The following ALCAM variants were observed in gnomAD, a reference collection of about 807,000 sequenced individuals.
ALCAM encodes the protein activated leukocyte cell adhesion molecule, also known as CD166 antigen.
ALCAM carries 30 observed loss-of-function variants against 70.9 expected under a neutral mutation model. The observed-to-expected ratio is 0.42, with a 90% confidence interval of 0.32 to 0.57. The LOEUF is 0.57. ALCAM is among the 20% of genes least tolerant of loss of function. The pLI is 0.11. For missense variants in ALCAM, 591 were observed against 695.1 expected, an observed-to-expected ratio of 0.85 and a Z score of 1.68; for synonymous variants, 249 against 242.5, an observed-to-expected ratio of 1.03 and a Z score of -0.25.
intron 1 of ALCAM, among the ~76,000 whole-genome samples, chr3:105,418,254 G>T (rs113840900): frequency 2.4e-4 from 36 of 151,834 alleles, no homozygotes; most frequent in African/African-American, 8.4e-4. Flanking sequence ...TAACTCTTTT[G>T]GTTTTAGGAA....
chr3:105,451,884 G>C (rs1169603387), intron 1 of ALCAM, among the ~76,000 whole-genome samples: 2 of 152,008 alleles, frequency 1.3e-5, no homozygotes, highest in Non-Finnish European at 2.9e-5. Flanking sequence ...CCTTCCCCAA[G>C]TCCCAAATTC....
At chr3:105,373,235 G>C (rs912193767) in intron 1 of ALCAM, among the ~76,000 whole-genome samples, 1 of 152,104 alleles carries the variant, frequency 6.6e-6, no homozygotes, top group Non-Finnish European at 1.5e-5. Context: ...TGGGGTTACA[G>C]TAAACAGTGA....
intron 1 of ALCAM, among the ~76,000 whole-genome samples, chr3:105,404,787 G>A (rs1559779940): frequency 1.3e-5 from 2 of 152,034 alleles, no homozygotes; most frequent in South Asian, 2.1e-4. Flanking sequence ...CTTAAAAGAT[G>A]CAGAATGACA....
intron 1 of ALCAM, among the ~76,000 whole-genome samples, chr3:105,491,382 C>G (rs903103686): frequency 5.9e-5 from 9 of 152,202 alleles, no homozygotes; most frequent in African/African-American, 2.2e-4. Flanking sequence ...ACATTTGGCT[C>G]TTCATTACTT....
chr3:105,564,999 C>T (rs530677431), intron 14 of ALCAM, among the ~76,000 whole-genome samples: 23 of 152,168 alleles, frequency 1.5e-4, no homozygotes, highest in African/African-American at 5.3e-4. Context: ...CACTGCACTC[C>T]AGCCCGGGCA....
chr3:105,554,854 T>G (rs1002438808), intron 14 of ALCAM, among the ~76,000 whole-genome samples: 2 of 151,992 alleles, frequency 1.3e-5, no homozygotes, highest in Non-Finnish European at 2.9e-5. Context: ...GTATTTTCAT[T>G]TTATTATGAC....
intron 1 of ALCAM, among the ~76,000 whole-genome samples, chr3:105,476,820 T>C (rs937262890): frequency 6.6e-6 from 1 of 152,096 alleles, no homozygotes; most frequent in African/African-American, 2.4e-5. Context: ...AATGTTGATA[T>C]GGTTTGGCTG....
chr3:105,407,479 A>T (rs1391762282), intron 1 of ALCAM, among the ~76,000 whole-genome samples: 2 of 152,192 alleles, frequency 1.3e-5, no homozygotes, highest in Admixed American at 6.5e-5. Flanking sequence ...TCACATGATC[A>T]TCTCAATAGA....
intron 1 of ALCAM, among the ~76,000 whole-genome samples, chr3:105,383,014 C>T (rs1264886002): frequency 1.3e-5 from 2 of 151,768 alleles, no homozygotes; most frequent in African/African-American, 4.8e-5. Context: ...TCTAAATGTG[C>T]CATGCCCTTC....
At chr3:105,422,909 A>ATT (rs1412363034) in intron 1 of ALCAM, among the ~76,000 whole-genome samples, 1 of 151,516 alleles carries the variant, frequency 6.6e-6, no homozygotes, top group African/African-American at 2.4e-5. Flanking sequence ...GATTACACTC[A>ATT]TAACTATCAG....
intron 1 of ALCAM, among the ~76,000 whole-genome samples, chr3:105,485,401 G>A (rs978310110): frequency 2.6e-5 from 4 of 151,142 alleles, no homozygotes; most frequent in East Asian, 1.9e-4. Flanking sequence ...GTGTGTGCGC[G>A]CACATCCACA....
At chr3:105,541,486 A>T (rs1000227438) in intron 7 of ALCAM, 147 bp from the exon 8 acceptor site, 2 of 777,676 alleles carry the variant, frequency 2.6e-6, no homozygotes, top group African/African-American at 3.6e-5. Flanking sequence ...AGATATTGGT[A>T]ACACAAACTG....
At chr3:105,457,163 T>C (rs1162179872) in intron 1 of ALCAM, among the ~76,000 whole-genome samples, 1 of 152,226 alleles carries the variant, frequency 6.6e-6, no homozygotes, top group East Asian at 1.9e-4. Context: ...AAAAGATTTT[T>C]TTCTGTGTCA....
At chr3:105,390,053 G>A (rs1935774393) in intron 1 of ALCAM, among the ~76,000 whole-genome samples, 1 of 151,864 alleles carries the variant, frequency 6.6e-6, no homozygotes, top group Non-Finnish European at 1.5e-5. Flanking sequence ...TCATACCTGT[G>A]CATGTATCTT....
Position 105,367,335 on chromosome 3 carries a change from A to C in ALCAM, c.-74A>C. ...CGTCGGGACCCGCCAGCGCGCGGGC[A>C]CCGCGGGGCCCGGGACGACGCCCCC... On this transcript the variant is annotated 5_prime_UTR_variant, in exon 1 of 16. Coordinates refer to ENST00000306107, the MANE Select transcript of ALCAM (RefSeq NM_001627.4). 6.6e-7 allele frequency: 1 copy of C among 1,510,284 alleles called. No individual in the cohort carries two copies. Among genetic ancestry groups the C allele is most frequent in the Non-Finnish European group, 9.1e-7 (1 of 1,096,782 alleles). The allele number at this position is 1,510,284 out of a possible 1,614,324, so 93.6% of individuals were successfully genotyped here.
At chr3:105,508,811 C>G (rs1939153192) in intron 1 of ALCAM, among the ~76,000 whole-genome samples, 1 of 47,516 alleles carries the variant, frequency 2.1e-5, no homozygotes, top group African/African-American at 5.8e-5. Flanking sequence ...TCATGCTGTA[C>G]TTTACATTTC....
chr3:105,494,818 C>T (rs1021859796), intron 1 of ALCAM, among the ~76,000 whole-genome samples: 1 of 152,118 alleles, frequency 6.6e-6, no homozygotes, highest in Non-Finnish European at 1.5e-5. Context: ...CACCACCACA[C>T]CTGGCTAATC....
chr3:105,538,891 G>A (rs910990840), intron 6 of ALCAM, among the ~76,000 whole-genome samples: 12 of 152,042 alleles, frequency 7.9e-5, no homozygotes, highest in Non-Finnish European at 1.6e-4. Context: ...TAGAGAAAAG[G>A]CAAAGAAACA....
intron 1 of ALCAM, among the ~76,000 whole-genome samples, chr3:105,454,677 T>TC (rs1266261876): frequency 7.9e-6 from 1 of 126,766 alleles, no homozygotes; most frequent in African/African-American, 3.3e-5. Flanking sequence ...TTTTTTTTTT[T>TC]TTTTTTTTTT....
Sources: allele counts gnomAD v4.1 joint callset (sites outside exome capture counted in the v4.1 genomes callset), GRCh38; gene constraint gnomAD v4.1.1; transcripts MANE v1.5; gene names NCBI Gene and HGNC (gene_info 2026-07-23, HGNC 2026-07-21).